Variants in ADAM10 observed in about 807,000 individuals in gnomAD.
ADAM10 encodes disintegrin and metalloproteinase domain-containing protein 10.
ADAM10 carries 17 observed loss-of-function variants against 90.1 expected under a neutral mutation model. The ratio of observed to expected loss-of-function variants is 0.19; its 90% CI spans 0.13 to 0.28. The LOEUF (loss-of-function observed/expected upper bound fraction) is 0.28. Ranked by LOEUF, ADAM10 falls within the 10% of genes least tolerant of loss-of-function variation. The pLI is 1.00. For synonymous variants in ADAM10, 310 were observed against 298.6 expected (o/e 1.04, Z -0.40); for missense variants, 610 against 914.3 (o/e 0.67, Z 4.29).
intron 1 of ADAM10, among the ~76,000 whole-genome samples, chr15:58,738,754 A>T (rs2140846578): frequency 6.6e-6 from 1 of 152,372 alleles, no homozygotes. Flanking sequence ...AAATCAAAAA[A>T]TTGAAATGTG....
chr15:58,695,972 C>T (rs1897967252), intron 2 of ADAM10, among the ~76,000 whole-genome samples: 3 of 151,808 alleles, frequency 2.0e-5, no homozygotes, highest in South Asian at 4.2e-4. Flanking sequence ...CAAAATGAGC[C>T]GGTTGTGATG....
chr15:58,604,628 T>C (rs1222012503), intron 14 of ADAM10, among the ~76,000 whole-genome samples: 1 of 152,228 alleles, frequency 6.6e-6, no homozygotes, highest in Non-Finnish European at 1.5e-5. Context: ...TAACAGCTCA[T>C]TTATTACTTC....
chr15:58,710,464 T>C (rs1277742124), intron 2 of ADAM10, among the ~76,000 whole-genome samples: 1 of 152,204 alleles, frequency 6.6e-6, no homozygotes, highest in Non-Finnish European at 1.5e-5. Context: ...GTAATTCAAG[T>C]AGCCATTATC....
At chr15:58,617,057 C>G (rs1031744887) in intron 11 of ADAM10, among the ~76,000 whole-genome samples, 3 of 151,658 alleles carry the variant, frequency 2.0e-5, no homozygotes, top group African/African-American at 7.3e-5. Context: ...TGCAGTGAGC[C>G]GAGATTGCAC....
chr15:58,743,772 T>C lies in ADAM10; in HGVS notation c.55+5708A>G, dbSNP rs189842152. On this transcript the variant is annotated intron_variant, in intron 1 of 15. Transcript: ENST00000260408. ...GGCGCCTGCCACCACACCAAGCTAA[T>C]TTTTTGTATTTTTAGTAGAGAGGGG... 5.3e-3 allele frequency among the ~76,000 whole-genome samples: 800 copies of C among 151,236 alleles called. 11 individuals carry two copies. The highest frequency in any genetic ancestry group is 6.1e-3 in the Non-Finnish European group (412 of 67,700).
chr15:58,653,123 C>A (rs997511653), intron 5 of ADAM10, among the ~76,000 whole-genome samples: 3 of 152,104 alleles, frequency 2.0e-5, no homozygotes, highest in Admixed American at 2.0e-4. Context: ...TTGGTGGAGT[C>A]TATGGGTTTT....
chr15:58,622,398 T>C (rs1413607392), intron 10 of ADAM10, among the ~76,000 whole-genome samples: 2 of 152,234 alleles, frequency 1.3e-5, no homozygotes, highest in Admixed American at 6.5e-5. Context: ...CCCTCATGGT[T>C]GCTTTTTGAC....
chr15:58,734,139 C>A (rs190142565), intron 1 of ADAM10, among the ~76,000 whole-genome samples: 99 of 152,022 alleles, frequency 6.5e-4, no homozygotes, highest in Admixed American at 1.2e-3. Flanking sequence ...GAAATCTTAC[C>A]ATGTACAGAA....
intron 1 of ADAM10, among the ~76,000 whole-genome samples, chr15:58,745,924 T>C (rs1297735251): frequency 6.6e-6 from 1 of 152,200 alleles, no homozygotes; most frequent in Non-Finnish European, 1.5e-5. Context: ...AATCCATGAA[T>C]TTCACTGAGA....
At chr15:58,678,794 T>C (rs367744107) in intron 4 of ADAM10, among the ~76,000 whole-genome samples, 1 of 152,328 alleles carries the variant, frequency 6.6e-6, no homozygotes, top group East Asian at 1.9e-4. Context: ...CTACCTTCAA[T>C]AGGTCATACA....
intron 10 of ADAM10, among the ~76,000 whole-genome samples, chr15:58,624,081 T>C (rs12592249): frequency 0.99 from 150,563 of 151,974 alleles, 74,596 homozygotes; most frequent in Middle Eastern, 1. Flanking sequence ...GTCAAGAGAT[T>C]GAGACCATCC....
At chr15:58,642,628 C>CT (rs1202241921) in intron 7 of ADAM10, among the ~76,000 whole-genome samples, 4 of 151,990 alleles carry the variant, frequency 2.6e-5, no homozygotes, top group Non-Finnish European at 5.9e-5. Context: ...AACCAACTAC[C>CT]ACATCATTTA....
In ADAM10 at chr15:58,607,510, C is replaced by G. The variant is rs568382217; in HGVS notation, c.2025+2787G>C. Among the ~76,000 whole-genome samples the G allele has an allele frequency of 2.0e-5, 3 of 152,020 alleles. No individual in the cohort carries two copies. The South Asian group carries it at 6.2e-4, about 31-fold the overall frequency. The stretch of plus-strand genomic sequence containing the variant: ...CCAGATTCATTTGACCATTGAAGGC[C>G]CAGAACATCTAATGGAACTAGTGTT... On this transcript the variant is annotated intron_variant, in intron 14 of 15. Transcript: ENST00000260408.
chr15:58,670,216 A>T (rs1453067502), intron 4 of ADAM10, among the ~76,000 whole-genome samples: 1 of 151,760 alleles, frequency 6.6e-6, no homozygotes, highest in Non-Finnish European at 1.5e-5. Context: ...AAAAAATAGG[A>T]GACATTTTTG....
At chr15:58,703,210 C>T (rs551153473) in intron 2 of ADAM10, among the ~76,000 whole-genome samples, 9 of 150,034 alleles carry the variant, frequency 6.0e-5, no homozygotes, top group South Asian at 2.1e-4. Context: ...GTTTAGACTT[C>T]GACTCAACAG....
chr15:58,676,897 T>C (rs1480957642), intron 4 of ADAM10, among the ~76,000 whole-genome samples: 1 of 152,232 alleles, frequency 6.6e-6, no homozygotes, highest in African/African-American at 2.4e-5. Context: ...TTGGCTGTTC[T>C]CGTGCTACAA....
rs574793852 is a variant in ADAM10, at chr15:58,667,845, G to C, written c.485-2648C>G. 1.1e-4 allele frequency among the ~76,000 whole-genome samples: 16 copies of C among 152,036 alleles called. No individual in the cohort carries two copies. The South Asian group carries it at 2.7e-3, about 26-fold the overall frequency. On this transcript the variant is annotated intron_variant, in intron 4 of 15. Coordinates refer to ENST00000260408, the MANE Select transcript of ADAM10 (RefSeq NM_001110.4). Reference sequence around the variant, plus strand: ...TTCTTCCTCCTAATTCCAGTGGATGGGAGGCCGTTTCTCCCGGGTACCAAT... The same window carrying C: ...TTCTTCCTCCTAATTCCAGTGGATGCGAGGCCGTTTCTCCCGGGTACCAAT...
chr15:58,675,935 T>C (rs1897295728), intron 4 of ADAM10, among the ~76,000 whole-genome samples: 1 of 152,186 alleles, frequency 6.6e-6, no homozygotes. Flanking sequence ...CAAATCCAAT[T>C]AAGAACATTC....
At chr15:58,718,341 C>A (rs942998686) in intron 1 of ADAM10, among the ~76,000 whole-genome samples, 2 of 152,168 alleles carry the variant, frequency 1.3e-5, no homozygotes, top group Middle Eastern at 3.4e-3. Flanking sequence ...CTGAGATAAA[C>A]CCTACTTGGT....
Sources: allele counts gnomAD v4.1 joint callset (sites outside exome capture counted in the v4.1 genomes callset), GRCh38; gene constraint gnomAD v4.1.1; transcripts MANE v1.5; gene names NCBI Gene and HGNC (gene_info 2026-07-23, HGNC 2026-07-21).